The following UBXN11 variants were observed in gnomAD, a reference collection of about 807,000 sequenced individuals.
UBXN11 encodes the protein UBX domain-containing protein 11.
UBXN11 carries 47 observed loss-of-function variants against 62.8 expected under a neutral mutation model. The ratio of observed to expected loss-of-function variants is 0.75; its 90% CI spans 0.59 to 0.95. The LOEUF (loss-of-function observed/expected upper bound fraction) is 0.95. UBXN11 is among the 40% of genes least tolerant of loss of function. The pLI is 0.00. For synonymous variants in UBXN11, 294 were observed against 267.0 expected (o/e 1.10, Z -0.99); for missense variants, 638 against 661.7 (o/e 0.96, Z 0.39).
intron 8 of UBXN11, among the ~76,000 whole-genome samples, chr1:26,291,389 A>G (rs1281081115): frequency 6.6e-6 from 1 of 152,226 alleles, no homozygotes; most frequent in Non-Finnish European, 1.5e-5. Flanking sequence ...TGCTGAAAAA[A>G]TCAAAGAACA....
rs575532963 is a variant in UBXN11 at position 26,314,602 on chromosome 1, G to A, written c.-149+3445C>T. Among the ~76,000 whole-genome samples, 252 of 152,212 alleles carry A rather than the reference G, an allele frequency of 1.7e-3. 5 individuals are homozygous for A. The highest frequency in any genetic ancestry group is 8.4e-4 in the Non-Finnish European group (57 of 68,010). ...GAATAAATGCAGGACTACTAGGCTC[G>A]GAGGTGGGAATAGATCTAGATGAAT... is the stretch of plus-strand genomic sequence containing the variant. On this transcript the variant is annotated intron_variant, in intron 1 of 14. Transcript: ENST00000374217.
chr1:26,282,328 A>G lies in UBXN11; in HGVS notation c.1534T>C (p.Cys512Arg). 2.6e-6 allele frequency: 2 copies of G among 776,106 alleles called. No individual in the cohort carries two copies. The highest frequency in any genetic ancestry group is 4.4e-5 in the South Asian group (2 of 45,190). The allele number at this position is 776,106 out of a possible 1,614,324, so 48.1% of individuals were successfully genotyped here. ...TGGGGGCTGGGACTGGGTCCAGGAC[A>G]GGGACTGGGGCCGGGACCGGGACCG... ...SPGPGPGPSP[C>R]PGPSPSPQ Residue 512 changes from cysteine (C) to arginine (R), a missense_variant, in exon 15 of 15, where the codon TGT becomes CGT. By Grantham distance (180) the Cys-to-Arg change is radical. Coordinates refer to ENST00000374222, the MANE Select transcript of UBXN11 (RefSeq NM_001389556.1).
At chr1:26,302,939 A>T in intron 1 of UBXN11, 21 bp from the exon 2 acceptor site, 1 of 1,568,466 alleles carries the variant, frequency 6.4e-7, no homozygotes, top group Non-Finnish European at 8.8e-7. Flanking sequence ...GCAGGAAGTC[A>T]GCCCCTGGGG....
At chr1:26,303,111 A>G (rs1000654375) in intron 1 of UBXN11, 193 bp from the exon 2 acceptor site, 2 of 486,678 alleles carry the variant, frequency 4.1e-6, no homozygotes, top group Non-Finnish European at 7.5e-6. Flanking sequence ...TCCTCTGGGT[A>G]TACGGCTTTC....
chr1:26,314,278 T>C lies in UBXN11; in HGVS notation c.-149+3769A>G, dbSNP rs140519116. On this transcript the variant is annotated intron_variant, in intron 1 of 14. Transcript: ENST00000374217. ...AATTTCTTTGAGGGTTGGGCTGTTG[T>C]TTCCTGTTTACTCTCACTCCCCGTG... 5.0e-3 allele frequency among the ~76,000 whole-genome samples: 757 copies of C among 152,324 alleles called. 4 individuals carry two copies. The highest frequency in any genetic ancestry group is 0.01 in the Middle Eastern group (3 of 294).
At position 26,282,374 on chromosome 1, in the gene UBXN11, A is replaced by ACCGGGACTGGGGCCGGGACTGGGG; in HGVS notation, c.1487_1488insCCCCAGTCCCGGCCCCAGTCCCGG (p.Pro497_Gly498insSerProGlyProSerProGlyPro). 1.7e-6 allele frequency: 1 copy of ACCGGGACTGGGGCCGGGACTGGGG among 602,104 alleles called. No homozygotes were observed. Among genetic ancestry groups the ACCGGGACTGGGGCCGGGACTGGGG allele is most frequent in the Non-Finnish European group, 2.4e-6 (1 of 410,568 alleles). The allele number at this position is 602,104 out of a possible 1,614,324, so 37.3% of individuals were successfully genotyped here. A position where few individuals can be genotyped will look rare whatever the true frequency, so the allele number is the denominator to read the frequency against. On this transcript the variant is annotated inframe_insertion, in exon 15 of 15. Coordinates refer to ENST00000374222, the MANE Select transcript of UBXN11 (RefSeq NM_001389556.1). ...GACCGGGACTGGGGCCGGGACCGGG[A>ACCGGGACTGGGGCCGGGACTGGGG]CCGGGACTGGGGCCGGGACCGGGAC...
At position 26,302,874 on chromosome 1, in the gene UBXN11, G is replaced by C. The variant is rs562104754; in HGVS notation, c.10C>G (p.Pro4Ala). 6.2e-7 allele frequency: 1 copy of C among 1,613,900 alleles called. No individual in the cohort carries two copies. Among genetic ancestry groups the C allele is most frequent in the African/African-American group, 1.3e-5 (1 of 75,024 alleles). Residue 4 changes from proline to alanine, a missense_variant, in exon 2 of 15, where the codon CCT (proline) becomes GCT (alanine). Pro to Ala is a conservative substitution (Grantham distance 27). Transcript: ENST00000374222. ...CGGGTCTTGCTAAGGGAGGCCAAAG[G>C]TGAGCTCATAGTTCTACTTCTAGAA... MSS[P>A]LASLSKTRKV...
At chr1:26,284,592 C>G in intron 10 of UBXN11, 110 bp from the exon 11 acceptor site, 1 of 1,424,730 alleles carries the variant, frequency 7.0e-7, no homozygotes, top group Non-Finnish European at 9.2e-7. Flanking sequence ...CTAATGCAAC[C>G]CCCATTTTAC....
At position 26,301,118 on chromosome 1, in the gene UBXN11, C is replaced by T. The variant is rs1570125681; in HGVS notation, c.101-94G>A. 1.8e-5 allele frequency: 29 copies of T among 1,597,202 alleles called. No individual in the cohort carries two copies. In the East Asian group the frequency reaches 6.0e-4, roughly 33 times the overall value. ...TCGCCAGTGTGACGCGGCCTATGCA[C>T]TGTGCCCCAGGGAGTTTGAGGAGAG... On this transcript the variant is annotated intron_variant, in intron 3 of 14. Coordinates refer to ENST00000374222, the MANE Select transcript of UBXN11 (RefSeq NM_001389556.1).
At chr1:26,296,205 TGAGC>T (rs2073388088) in intron 7 of UBXN11, among the ~76,000 whole-genome samples, 2 of 152,162 alleles carry the variant, frequency 1.3e-5, no homozygotes, top group Non-Finnish European at 2.9e-5. Context: ...AATGGGTCTG[TGAGC>T]GGGGGAAAGA....
chr1:26,289,906 G>A (rs1001826526), intron 8 of UBXN11, among the ~76,000 whole-genome samples: 1 of 152,238 alleles, frequency 6.6e-6, no homozygotes, highest in Non-Finnish European at 1.5e-5. Context: ...CTGCAAGCCA[G>A]GCCCCGCTCT....
chr1:26,292,711 G>A (rs112924379), intron 8 of UBXN11, among the ~76,000 whole-genome samples: 18 of 151,986 alleles, frequency 1.2e-4, no homozygotes, highest in Non-Finnish European at 1.9e-4. Flanking sequence ...AAAATCAGCC[G>A]GGCATGGTGG....
At position 26,282,781 on chromosome 1, in the gene UBXN11, T is replaced by C; in HGVS notation, c.1160A>G (p.Glu387Gly). The change falls in exon 14 of 15, where the codon GAG (glutamate) becomes GGG (glycine). Residue 387 changes from glutamate (E) to glycine (G), a missense_variant. Glu to Gly is a moderately conservative substitution (Grantham distance 98). Coordinates refer to ENST00000374222, the MANE Select transcript of UBXN11 (RefSeq NM_001389556.1). ...TLAAERERSQ[E>G]SPNTPAPPLS... ...CGGGGGTGCCGGCGTGTTGGGTGAC[T>C]CCTGGCTCCTGCACAGCCCAGAGGC... 1 of 1,614,118 alleles carries C rather than the reference T, an allele frequency of 6.2e-7. No homozygotes were observed. Among genetic ancestry groups the C allele is most frequent in the South Asian group, 1.1e-5 (1 of 91,088 alleles).
chr1:26,284,569 C>A, intron 10 of UBXN11, 87 bp from the exon 11 acceptor site: 13 of 1,493,960 alleles, frequency 8.7e-6, no homozygotes, highest in Non-Finnish European at 1.2e-5. Context: ...TAAACACAGG[C>A]CAAGGGTATG....
chr1:26,304,908 C>G (rs1034422913), intron 1 of UBXN11, among the ~76,000 whole-genome samples: 2 of 150,900 alleles, frequency 1.3e-5, no homozygotes, highest in African/African-American at 4.9e-5. Flanking sequence ...ACCTCAATCC[C>G]CCCACTCCCA....
chr1:26,317,041 C>CA (rs1200257660), intron 1 of UBXN11, among the ~76,000 whole-genome samples: 1 of 149,698 alleles, frequency 6.7e-6, no homozygotes, highest in Admixed American at 6.7e-5. Context: ...CTAGCCTAGC[C>CA]AACATGGTGA....
At chr1:26,306,462 C>G (rs2073670926) in intron 1 of UBXN11, 130 bp downstream of exon 1, 1 of 152,230 alleles carries the variant, frequency 6.6e-6, no homozygotes, top group African/African-American at 2.4e-5. Context: ...CCTTCCGCCT[C>G]CACGCGTAGT....
At chr1:26,304,301 G>C (rs1039424360) in intron 1 of UBXN11, among the ~76,000 whole-genome samples, 62 of 152,074 alleles carry the variant, frequency 4.1e-4, no homozygotes, top group Non-Finnish European at 2.9e-4. Context: ...TCCCCACCCT[G>C]CCCCAGCCCC....
intron 7 of UBXN11, 40 bp from the exon 8 acceptor site, chr1:26,294,371 C>G (rs374702086): frequency 4.8e-5 from 77 of 1,605,560 alleles, no homozygotes; most frequent in Non-Finnish European, 6.5e-5. Flanking sequence ...ACCGTCAGCT[C>G]AGCCCCTTCC....
Sources: gnomAD v4.1 joint callset for allele counts (sites outside exome capture counted in the v4.1 genomes callset) on GRCh38, gnomAD v4.1.1 for gene constraint, MANE v1.5 for transcripts, NCBI Gene and HGNC (gene_info 2026-07-23, HGNC 2026-07-21) for gene names.